Variants in TRAPPC8 observed in about 807,000 individuals in gnomAD.
TRAPPC8 encodes the protein trafficking protein particle complex subunit 8.
TRAPPC8 carries 54 observed loss-of-function variants against 174.3 expected under a neutral mutation model. The observed-to-expected ratio is 0.31, with a 90% CI of 0.25 to 0.39. The LOEUF is 0.39. Ranked by LOEUF, TRAPPC8 falls within the 10% of genes least tolerant of loss-of-function variation. The pLI is 1.00. For synonymous variants in TRAPPC8, 630 were observed against 579.9 expected (o/e 1.09, Z -1.24); for missense variants, 1,531 against 1,699.1 (o/e 0.90, Z 1.74).
In TRAPPC8 at chr18:31,908,842, T is replaced by C. The variant is rs1188922743; in HGVS notation, c.1034A>G (p.His345Arg). 6.2e-7 allele frequency: 1 copy of C among 1,613,854 alleles called. No individual in the cohort carries two copies. The highest frequency in any genetic ancestry group is 1.1e-5 in the South Asian group (1 of 91,066). The change falls in exon 7 of 29, where the codon CAT becomes CGT. Residue 345 changes from histidine to arginine, a missense_variant. By Grantham distance (29) the His-to-Arg change is conservative (BLOSUM62 0). Coordinates refer to ENST00000283351, the MANE Select transcript of TRAPPC8 (RefSeq NM_014939.5). The part of the protein sequence containing the change: ...IHGACLTLTD[H>R]DRIRQFIQEF... ...TTGTATAAACTGTCGAATTCTATCA[T>C]GATCAGTAAGTGTTAAACATGCACC...
chr18:31,857,634 G>T lies in TRAPPC8; in HGVS notation c.3094C>A (p.Leu1032Met). 1 of 1,614,166 alleles carries T rather than the reference G, an allele frequency of 6.2e-7. No individual in the cohort carries two copies. Among genetic ancestry groups the T allele is most frequent in the Non-Finnish European group, 8.5e-7 (1 of 1,180,018 alleles). ...TVLLPGASVQ[L>M]PMWLRGPDEE... Reference sequence around the variant, plus strand: ...TCAGGCCCACGTAACCACATTGGCAGCTGCACTGAGGCTCCGGGTAGAAGA... The same window carrying T: ...TCAGGCCCACGTAACCACATTGGCATCTGCACTGAGGCTCCGGGTAGAAGA... The change falls in exon 20 of 29, where the codon CTG becomes ATG. Residue 1032 changes from leucine (L) to methionine (M), a missense_variant. Physicochemically the swap from Leu to Met is conservative, Grantham distance 15. Transcript: ENST00000283351.
At chr18:31,892,232 T>G (rs1202740040) in intron 11 of TRAPPC8, among the ~76,000 whole-genome samples, 3 of 152,340 alleles carry the variant, frequency 2.0e-5, no homozygotes, top group East Asian at 3.9e-4. Flanking sequence ...CTTTACAGCT[T>G]AATAGTGTTG....
Position 31,841,059 on chromosome 18 carries a change from A to T in TRAPPC8, c.3838-1602T>A, listed in dbSNP as rs528678663. ...AAATATGTAAAAAGCAAAATATTTG[A>T]AACTGGTATGATATACAAATGTATG... is the stretch of plus-strand genomic sequence containing the variant. On this transcript the variant is annotated intron_variant, in intron 26 of 28. Coordinates refer to ENST00000283351, the MANE Select transcript of TRAPPC8 (RefSeq NM_014939.5). 2.6e-5 allele frequency among the ~76,000 whole-genome samples: 4 copies of T among 152,338 alleles called. No homozygotes were observed. In the South Asian group the frequency reaches 8.3e-4, roughly 32 times the overall value.
chr18:31,919,199 G>C (rs1324421485), intron 2 of TRAPPC8, among the ~76,000 whole-genome samples: 1 of 152,112 alleles, frequency 6.6e-6, no homozygotes, highest in Non-Finnish European at 1.5e-5. Context: ...CGTTATAAAA[G>C]AGGAAATGGG....
intron 19 of TRAPPC8, among the ~76,000 whole-genome samples, chr18:31,863,963 AAGT>A: frequency 7.1e-6 from 1 of 140,354 alleles, no homozygotes; most frequent in Non-Finnish European, 1.5e-5. Flanking sequence ...TATTATACTA[AAGT>A]ATAATACTAA....
chr18:31,874,057 G>C (rs1447612179), intron 13 of TRAPPC8: 2 of 203,916 alleles, frequency 9.8e-6, no homozygotes. Context: ...CACCATAATA[G>C]CCTGTCTACT....
chr18:31,885,359 G>A (rs1163581804), intron 12 of TRAPPC8, among the ~76,000 whole-genome samples: 7 of 152,064 alleles, frequency 4.6e-5, no homozygotes, highest in African/African-American at 4.8e-5. Context: ...TAACCTTCAC[G>A]AGTGTTTAAG....
chr18:31,853,958 A>G lies in TRAPPC8; in HGVS notation c.3337-13T>C. On this transcript the variant is annotated splice_polypyrimidine_tract_variant and intron_variant, in intron 21 of 28. Coordinates refer to ENST00000283351, the MANE Select transcript of TRAPPC8 (RefSeq NM_014939.5). ...CGCCTGCTTCACTCTGTCAAAAAAA[A>G]AGATAGGAGTCATTCAGGATTTAGA... 3.1e-6 allele frequency: 5 copies of G among 1,591,926 alleles called. No homozygotes were observed. Among genetic ancestry groups the G allele is most frequent in the Non-Finnish European group, 4.3e-6 (5 of 1,168,844 alleles).
At chr18:31,847,666 A>G (rs182850588) in intron 25 of TRAPPC8, among the ~76,000 whole-genome samples, 72 of 152,318 alleles carry the variant, frequency 4.7e-4, no homozygotes, top group Admixed American at 1.1e-3. Context: ...TTCAGCGTCT[A>G]TATTTGCAAA....
intron 10 of TRAPPC8, among the ~76,000 whole-genome samples, chr18:31,898,620 G>A (rs2036281177): frequency 6.6e-6 from 1 of 152,142 alleles, no homozygotes; most frequent in Admixed American, 6.5e-5. Context: ...TTTCCCCCTG[G>A]TAGTACCATT....
At chr18:31,897,744 AG>A in intron 11 of TRAPPC8, 41 bp downstream of exon 11, 2 of 1,316,478 alleles carry the variant, frequency 1.5e-6, no homozygotes, top group Non-Finnish European at 2.0e-6. Context: ...TAAAAAAAAA[AG>A]AACAATGCTA....
At chr18:31,921,308 G>C (rs1037023934) in intron 2 of TRAPPC8, among the ~76,000 whole-genome samples, 3 of 152,044 alleles carry the variant, frequency 2.0e-5, no homozygotes, top group African/African-American at 4.8e-5. Flanking sequence ...GATCGACCAA[G>C]TGCTGTGAAT....
chr18:31,882,868 G>A (rs770975870), intron 12 of TRAPPC8, among the ~76,000 whole-genome samples: 14 of 147,676 alleles, frequency 9.5e-5, no homozygotes, highest in Non-Finnish European at 1.8e-4. Context: ...ACCCACCTCA[G>A]CCACCCAAAG....
chr18:31,922,562 G>A (rs956792998), intron 2 of TRAPPC8, among the ~76,000 whole-genome samples: 2 of 152,178 alleles, frequency 1.3e-5, no homozygotes, highest in Admixed American at 1.3e-4. Context: ...CTGCACTCCA[G>A]CCTGGGCAGC....
chr18:31,908,064 T>G (rs1407377969), intron 8 of TRAPPC8, among the ~76,000 whole-genome samples: 2 of 152,194 alleles, frequency 1.3e-5, no homozygotes, highest in Non-Finnish European at 2.9e-5. Context: ...TCTAACTTCA[T>G]TGTTTTACAA....
intron 5 of TRAPPC8, among the ~76,000 whole-genome samples, chr18:31,911,885 A>AAAAAAAT (rs1473184235): frequency 6.6e-6 from 1 of 151,476 alleles, no homozygotes; most frequent in African/African-American, 2.4e-5. Flanking sequence ...AAAAAAAAAA[A>AAAAAAAT]AAAAAATTTT....
Position 31,857,988 on chromosome 18 carries a change from T to A in TRAPPC8, c.2746-6A>T. The A allele has an allele frequency of 6.4e-7, 1 of 1,571,346 alleles. No individual in the cohort carries two copies. Among genetic ancestry groups the A allele is most frequent in the Non-Finnish European group, 8.6e-7 (1 of 1,161,334 alleles). On this transcript the variant is annotated splice_region_variant and splice_polypyrimidine_tract_variant and intron_variant, in intron 19 of 28. Transcript: ENST00000283351. ...GGAAAATGTATAAAGAACACCTGCATTGGAGGGAAAAAATATTATTATTTG... is the reference window on the plus strand; with the variant it reads ...GGAAAATGTATAAAGAACACCTGCAATGGAGGGAAAAAATATTATTATTTG...
At position 31,870,516 on chromosome 18, in the gene TRAPPC8, G is replaced by A. The variant is rs181538326; in HGVS notation, c.2258-14C>T. 1.3e-3 allele frequency: 2,096 copies of A among 1,594,302 alleles called. 32 individuals carry two copies. The African/African-American group carries it at 0.025, about 19-fold the overall frequency. On this transcript the variant is annotated splice_polypyrimidine_tract_variant and intron_variant, in intron 15 of 28. Transcript: ENST00000283351. ...CTGTAATTGGTTCTATTAAAAAAAA[G>A]GCCTAAATTAATAACTTTAATAAAC...
intron 26 of TRAPPC8, chr18:31,845,175 T>G (rs2033328145): frequency 3.7e-5 from 5 of 134,054 alleles, no homozygotes. Context: ...CGAGACTCCG[T>G]CTCAAAAAAA....
Sources: gnomAD v4.1 joint callset for allele counts (sites outside exome capture counted in the v4.1 genomes callset) on GRCh38, gnomAD v4.1.1 for gene constraint, MANE v1.5 for transcripts, NCBI Gene and HGNC (gene_info 2026-07-23, HGNC 2026-07-21) for gene names.